The following MAP2 variants were observed in gnomAD, a reference collection of about 807,000 sequenced individuals.
MAP2 encodes microtubule-associated protein 2.
A neutral mutation model predicts 137.6 loss-of-function variants in MAP2; 14 were observed. The ratio of observed to expected loss-of-function variants is 0.10; its 90% CI spans 0.07 to 0.16. The LOEUF (loss-of-function observed/expected upper bound fraction) is 0.16, where lower values mean the gene tolerates loss of function less well. Among genes scored for constraint, MAP2 ranks in the 10% least tolerant of loss-of-function variants. MAP2 has a pLI of 1.00. For synonymous variants in MAP2, 786 were observed against 782.3 expected (o/e 1.00, Z -0.08); for missense variants, 2,088 against 2,191.5 (o/e 0.95, Z 0.94).
At chr2:209,576,008 C>T (rs140024243) in intron 2 of MAP2, among the ~76,000 whole-genome samples, 6 of 152,186 alleles carry the variant, frequency 3.9e-5, no homozygotes, top group Non-Finnish European at 7.4e-5. Context: ...ATTATTCATT[C>T]CTGGAGAGTT....
chr2:209,435,492 T>C (rs1299383166), intron 1 of MAP2, among the ~76,000 whole-genome samples: 3 of 151,764 alleles, frequency 2.0e-5, no homozygotes, highest in African/African-American at 7.3e-5. Flanking sequence ...TTGCATGTAA[T>C]AGAGGGTTCC....
intron 1 of MAP2, among the ~76,000 whole-genome samples, chr2:209,492,629 T>C (rs2059259759): frequency 6.6e-6 from 1 of 152,050 alleles, no homozygotes; most frequent in African/African-American, 2.4e-5. Context: ...ATCACAAGCA[T>C]TCCTATACAC....
At chr2:209,526,755 A>G (rs574510434) in intron 2 of MAP2, among the ~76,000 whole-genome samples, 11 of 151,086 alleles carry the variant, frequency 7.3e-5, no homozygotes, top group Admixed American at 2.0e-4. Context: ...AAGTGCTGCT[A>G]TAATAAGAAC....
intron 2 of MAP2, among the ~76,000 whole-genome samples, chr2:209,548,952 T>C (rs1186488589): frequency 6.6e-6 from 1 of 152,194 alleles, no homozygotes; most frequent in Non-Finnish European, 1.5e-5. Flanking sequence ...TCTCAGACAG[T>C]TCTTTATAGC....
chr2:209,598,640 T>C (rs2082086377), intron 3 of MAP2, among the ~76,000 whole-genome samples: 1 of 144,080 alleles, frequency 6.9e-6, no homozygotes. Context: ...ATGTTCCCCT[T>C]CCTGTGTCCA....
intron 7 of MAP2, among the ~76,000 whole-genome samples, chr2:209,686,486 A>G (rs1179735417): frequency 1.3e-5 from 2 of 152,228 alleles, no homozygotes; most frequent in African/African-American, 4.8e-5. Flanking sequence ...TAAAAACTGT[A>G]CAGATAGATA....
At chr2:209,698,540 T>C (rs2060886768) in intron 10 of MAP2, among the ~76,000 whole-genome samples, 1 of 152,138 alleles carries the variant, frequency 6.6e-6, no homozygotes, top group African/African-American at 2.4e-5. Flanking sequence ...ATGGTTTTAT[T>C]TTAGCCATTG....
Position 209,731,550 on chromosome 2 carries a change from A to G in MAP2, c.*1153A>G, listed in dbSNP as rs1455793521. On this transcript the variant is annotated 3_prime_UTR_variant, in exon 16 of 16. Coordinates refer to ENST00000682079, the MANE Select transcript of MAP2 (RefSeq NM_001375505.1). ...TGGTTTAAGATTATGGATTTATCTC[A>G]TTTTTAATCACAGGATAGTTTGGGG... The G allele has an allele frequency of 6.6e-6, 1 of 152,566 alleles. No homozygotes were observed. Among genetic ancestry groups the G allele is most frequent in the East Asian group, 1.9e-4 (1 of 5,188 alleles). 9.5% of individuals were successfully genotyped at this position (152,566 alleles called of 1,614,324 possible).
chr2:209,725,124 A>G (rs532794110), intron 13 of MAP2, among the ~76,000 whole-genome samples: 4 of 152,372 alleles, frequency 2.6e-5, no homozygotes, highest in South Asian at 2.1e-4. Flanking sequence ...ACTGCTTCAA[A>G]TATTGGGAGA....
chr2:209,712,424 C>T (rs993572785), intron 13 of MAP2, among the ~76,000 whole-genome samples: 1 of 152,146 alleles, frequency 6.6e-6, no homozygotes, highest in South Asian at 2.1e-4. Flanking sequence ...TATCATCAGG[C>T]AAGTGTTAAC....
At chr2:209,682,821 T>C (rs2055262603) in intron 7 of MAP2, among the ~76,000 whole-genome samples, 2 of 152,124 alleles carry the variant, frequency 1.3e-5, no homozygotes, top group Admixed American at 1.3e-4. Context: ...GAGTAAGCAG[T>C]GGTCAGCTGG....
chr2:209,501,237 A>G (rs1488778746), intron 1 of MAP2, among the ~76,000 whole-genome samples: 1 of 152,178 alleles, frequency 6.6e-6, no homozygotes, highest in Non-Finnish European at 1.5e-5. Context: ...TGTAACTTTA[A>G]CAAGGGAGAA....
chr2:209,564,793 G>A (rs1382789986), intron 2 of MAP2, among the ~76,000 whole-genome samples: 2 of 152,052 alleles, frequency 1.3e-5, no homozygotes, highest in Non-Finnish European at 1.5e-5. Flanking sequence ...CATGCTTTAC[G>A]TTATTTTAAC....
intron 1 of MAP2, among the ~76,000 whole-genome samples, chr2:209,491,744 G>C (rs996345956): frequency 1.3e-5 from 2 of 152,062 alleles, no homozygotes; most frequent in Non-Finnish European, 2.9e-5. Context: ...GACTAAATCA[G>C]GAAGAAGTCG....
At chr2:209,604,573 A>T (rs1446447526) in intron 3 of MAP2, among the ~76,000 whole-genome samples, 1 of 152,138 alleles carries the variant, frequency 6.6e-6, no homozygotes, top group East Asian at 1.9e-4. Flanking sequence ...CGAAGCCTTT[A>T]AAAAGGATTT....
intron 11 of MAP2, chr2:209,704,632 G>T (rs772085656): frequency 1.3e-6 from 2 of 1,577,674 alleles, no homozygotes; most frequent in South Asian, 1.2e-5. Flanking sequence ...TAAGGCGGCA[G>T]GTCAATAAAA....
chr2:209,532,350 C>T (rs992139878), intron 2 of MAP2, among the ~76,000 whole-genome samples: 1 of 152,020 alleles, frequency 6.6e-6, no homozygotes, highest in Non-Finnish European at 1.5e-5. Flanking sequence ...AACTCTTCTT[C>T]ATCATCCTCA....
chr2:209,593,174 T>A (rs1231123612), intron 3 of MAP2, among the ~76,000 whole-genome samples: 1 of 152,106 alleles, frequency 6.6e-6, no homozygotes, highest in East Asian at 1.9e-4. Context: ...TTTTAAAGTA[T>A]GTAAATAACA....
intron 2 of MAP2, among the ~76,000 whole-genome samples, chr2:209,512,553 TTA>T (rs1439657347): frequency 5.1e-5 from 6 of 116,660 alleles, no homozygotes; most frequent in Admixed American, 9.3e-5. Context: ...AAGCCAGAAG[TTA>T]TACACACACA....
Sources: gnomAD v4.1 joint callset for allele counts (sites outside exome capture counted in the v4.1 genomes callset) on GRCh38, gnomAD v4.1.1 for gene constraint, MANE v1.5 for transcripts, NCBI Gene and HGNC (gene_info 2026-07-23, HGNC 2026-07-21) for gene names.